The following LRP2 variants were observed in gnomAD, a reference collection of about 807,000 sequenced individuals.
The protein encoded by LRP2 is LDL receptor related protein 2.
In LRP2, 172 loss-of-function variants were observed where a neutral mutation model predicts 531.0. The observed-to-expected ratio is 0.32, with a 90% CI of 0.29 to 0.37. LRP2 has a LOEUF of 0.37. LRP2 is among the 10% of genes least tolerant of loss of function. LRP2 has a pLI of 1.00. For synonymous variants in LRP2, 1,992 were observed against 2,027.6 expected (o/e 0.98, Z 0.47); for missense variants, 5,167 against 5,868.3 (o/e 0.88, Z 3.90).
intron 1 of LRP2, among the ~76,000 whole-genome samples, chr2:169,336,181 G>A (rs1364480248): frequency 1.3e-5 from 2 of 152,052 alleles, no homozygotes; most frequent in Non-Finnish European, 2.9e-5. Context: ...ATCTTAAGTT[G>A]TTACCCTATT....
intron 16 of LRP2, among the ~76,000 whole-genome samples, chr2:169,262,881 C>A (rs544211289): frequency 1.8e-4 from 27 of 152,282 alleles, no homozygotes; most frequent in African/African-American, 5.5e-4. Flanking sequence ...CAGCATGGTA[C>A]TGGTACCAAA....
chr2:169,221,953 T>C (rs1689032819), intron 33 of LRP2, among the ~76,000 whole-genome samples: 1 of 152,186 alleles, frequency 6.6e-6, no homozygotes, highest in African/African-American at 2.4e-5. Flanking sequence ...AATTCAGCTA[T>C]AAAATTTCTT....
chr2:169,209,941 C>A (rs1688535482), intron 37 of LRP2, among the ~76,000 whole-genome samples: 1 of 152,128 alleles, frequency 6.6e-6, no homozygotes, highest in Non-Finnish European at 1.5e-5. Flanking sequence ...CAGAAATATA[C>A]AGGTCGCCAC....
chr2:169,168,848 C>T (rs947629710), intron 60 of LRP2, among the ~76,000 whole-genome samples, 172 bp from the exon 61 acceptor site: 1 of 152,178 alleles, frequency 6.6e-6, no homozygotes, highest in African/African-American at 2.4e-5. Flanking sequence ...GTCTTAAGGG[C>T]AGTTGTCAGA....
chr2:169,328,459 AAAAAAG>A (rs1685181123), intron 1 of LRP2, among the ~76,000 whole-genome samples: 1 of 128,086 alleles, frequency 7.8e-6, no homozygotes, highest in Non-Finnish European at 1.8e-5. Flanking sequence ...AAAAAAAAAA[AAAAAAG>A]AAAAAAAAAG....
intron 65 of LRP2, among the ~76,000 whole-genome samples, chr2:169,155,217 T>C (rs918476911): frequency 4.6e-5 from 7 of 152,234 alleles, no homozygotes; most frequent in Non-Finnish European, 7.3e-5. Flanking sequence ...TTTACTTGCA[T>C]AATGTCAACT....
At chr2:169,152,743 G>A in intron 67 of LRP2, 56 bp downstream of exon 67, 9 of 1,598,696 alleles carry the variant, frequency 5.6e-6, no homozygotes, top group Non-Finnish European at 4.3e-6. Flanking sequence ...GAGTGCAGTA[G>A]AGAACTCTAA....
intron 17 of LRP2, 53 bp downstream of exon 17, chr2:169,258,972 G>A: frequency 6.7e-7 from 1 of 1,483,838 alleles, no homozygotes. Context: ...ACTTTTCAAT[G>A]ACTGTAAAAG....
chr2:169,130,213 G>A (rs1202839421), intron 77 of LRP2, among the ~76,000 whole-genome samples: 5 of 152,080 alleles, frequency 3.3e-5, no homozygotes, highest in Admixed American at 1.3e-4. Context: ...GGAAAGGGAC[G>A]GTGACTTTCA....
intron 62 of LRP2, among the ~76,000 whole-genome samples, 165 bp downstream of exon 62, chr2:169,165,767 A>C (rs1014594706): frequency 2.6e-5 from 4 of 152,224 alleles, no homozygotes; most frequent in African/African-American, 9.6e-5. Flanking sequence ...GTTACATGTA[A>C]GCAATGCATG....
At chr2:169,293,413 T>C (rs1684050977) in intron 6 of LRP2, among the ~76,000 whole-genome samples, 3 of 152,100 alleles carry the variant, frequency 2.0e-5, no homozygotes, top group East Asian at 1.9e-4. Flanking sequence ...TGGTGGCTCA[T>C]ACCCATAATA....
intron 1 of LRP2, among the ~76,000 whole-genome samples, chr2:169,331,873 TG>T (rs1240005834): frequency 2.0e-5 from 3 of 152,162 alleles, no homozygotes; most frequent in African/African-American, 7.2e-5. Context: ...GGAAAATGGT[TG>T]AGTGGAATCA....
chr2:169,198,989 T>A, intron 44 of LRP2, 78 bp from the exon 45 acceptor site: 1 of 1,493,404 alleles, frequency 6.7e-7, no homozygotes, highest in Admixed American at 1.8e-5. Flanking sequence ...TGCTAACACA[T>A]CTATTGTGGA....
chr2:169,172,687 T>A (rs1336296117), intron 57 of LRP2, among the ~76,000 whole-genome samples: 1 of 152,180 alleles, frequency 6.6e-6, no homozygotes, highest in African/African-American at 2.4e-5. Context: ...AATCCCCAAA[T>A]AAGAAATATC....
chr2:169,212,808 T>C (rs796527207), intron 36 of LRP2, among the ~76,000 whole-genome samples: 1 of 151,778 alleles, frequency 6.6e-6, no homozygotes, highest in African/African-American at 2.4e-5. Flanking sequence ...AGACTACAAA[T>C]AGGGTGCAGT....
chr2:169,336,535 A>C (rs1685409037), intron 1 of LRP2, among the ~76,000 whole-genome samples: 1 of 135,448 alleles, frequency 7.4e-6, no homozygotes, highest in East Asian at 2.1e-4. Flanking sequence ...GCAAGACTCC[A>C]TCACACACAC....
chr2:169,161,091 A>T (rs1363485852), intron 63 of LRP2, among the ~76,000 whole-genome samples: 1 of 152,224 alleles, frequency 6.6e-6, no homozygotes, highest in East Asian at 1.9e-4. Context: ...TCCTGTGAGG[A>T]AACCAAAGAC....
intron 17 of LRP2, among the ~76,000 whole-genome samples, chr2:169,258,525 G>A (rs1407453073): frequency 6.6e-6 from 1 of 152,074 alleles, no homozygotes; most frequent in Non-Finnish European, 1.5e-5. Flanking sequence ...AACCAAAAAG[G>A]AATACTGTGA....
At chr2:169,182,585 G>A in intron 50 of LRP2, 1 of 1,327,044 alleles carries the variant, frequency 7.5e-7, no homozygotes, top group Non-Finnish European at 9.7e-7. Context: ...CGACGGGTCT[G>A]GTTTTACTTT....
Sources: gnomAD v4.1 joint callset for allele counts (sites outside exome capture counted in the v4.1 genomes callset) on GRCh38, gnomAD v4.1.1 for gene constraint, MANE v1.5 for transcripts, NCBI Gene and HGNC (gene_info 2026-07-23, HGNC 2026-07-21) for gene names.